The following PC variants were observed in gnomAD, a reference collection of about 807,000 sequenced individuals.
PC encodes pyruvate carboxylase, mitochondrial.
A neutral mutation model predicts 107.8 loss-of-function variants in PC; 46 were observed. The observed-to-expected ratio is 0.43, with a 90% CI of 0.34 to 0.55. The LOEUF (loss-of-function observed/expected upper bound fraction) is 0.55, where lower values mean the gene tolerates loss of function less well. Ranked by LOEUF, PC falls within the 20% of genes least tolerant of loss-of-function variation. The probability of loss-of-function intolerance (pLI) is 0.04; values close to 1 mark genes in which losing one functional copy is unlikely to be tolerated. For missense variants in PC, 1,241 were observed against 1,643.1 expected, an observed-to-expected ratio of 0.76 and a Z score of 4.23; for synonymous variants, 662 against 684.7, an observed-to-expected ratio of 0.97 and a Z score of 0.52.
At position 66,857,978 on chromosome 11, in the gene PC, A is replaced by G. The variant is rs1247680388; in HGVS notation, c.1369-4595T>C. 1.2e-6 allele frequency: 2 copies of G among 1,612,270 alleles called. No homozygotes were observed. The highest frequency in any genetic ancestry group is 1.7e-6 in the Non-Finnish European group (2 of 1,179,888). ...ACATGACGGGACTGGTGGACCTGAC[A>G]CTGTCTCGCAATGCCATCACCCGCA... On this transcript the variant is annotated intron_variant, in intron 12 of 22. Transcript: ENST00000393960. The surrounding 1 kb of genome is among the most constrained non-coding windows in gnomAD (Gnocchi z 7.1).
In PC at chr11:66,852,700, G is replaced by A. The variant is rs1221718335; in HGVS notation, c.1604-40C>T. On this transcript the variant is annotated intron_variant, in intron 14 of 22. Coordinates refer to ENST00000393960, the MANE Select transcript of PC (RefSeq NM_001040716.2). The surrounding 1 kb of genome is among the most constrained non-coding windows in gnomAD (Gnocchi z 4.7). The stretch of plus-strand genomic sequence containing the variant: ...GGCATTGGTGCCCATCCTGCAGGTG[G>A]CAACCTCCTGTCTCCCCCATGAGTT... The A allele has an allele frequency of 1.9e-6, 3 of 1,610,492 alleles. No individual in the cohort carries two copies. The highest frequency in any genetic ancestry group is 8.5e-7 in the Non-Finnish European group (1 of 1,177,144).
At chr11:66,868,778 A>G in intron 10 of PC, 68 bp downstream of exon 10, 3 of 1,277,486 alleles carry the variant, frequency 2.3e-6, no homozygotes, top group Non-Finnish European at 3.4e-6. Context: ...CCCAGGAGCC[A>G]CTTCGCCTGT....
chr11:66,902,026 T>C (rs755130560), intron 3 of PC, among the ~76,000 whole-genome samples: 18 of 152,306 alleles, frequency 1.2e-4, no homozygotes, highest in South Asian at 2.1e-4. Flanking sequence ...CCTGGTTCTC[T>C]GGGCGAACTG....
intron 3 of PC, among the ~76,000 whole-genome samples, chr11:66,929,740 C>T (rs1046226482): frequency 2.0e-5 from 3 of 152,076 alleles, no homozygotes; most frequent in African/African-American, 7.2e-5. Flanking sequence ...TGGTTTCAAA[C>T]TCCTGGGCTC....
chr11:66,910,984 G>A (rs1478536662), intron 3 of PC, among the ~76,000 whole-genome samples: 1 of 152,196 alleles, frequency 6.6e-6, no homozygotes, highest in Non-Finnish European at 1.5e-5. Flanking sequence ...CTGAACTTTA[G>A]TTTCCTGATC....
rs116248180 is a variant in PC at position 66,878,069 on chromosome 11, G to A, written c.1-5910C>T. Among the ~76,000 whole-genome samples, 1,421 of 152,268 alleles carry A rather than the reference G, an allele frequency of 9.3e-3. 28 individuals are homozygous for A. Among genetic ancestry groups the A allele is most frequent in the African/African-American group, 0.032 (1,315 of 41,548 alleles). ...GAAGAGCTCCGCAGGAAAAGGCGAA[G>A]GGAGCTCCTGCTACACCGACTCCTT... On this transcript the variant is annotated intron_variant, in intron 3 of 22. Transcript: ENST00000393960.
At chr11:66,922,384 G>A (rs1385323772) in intron 3 of PC, among the ~76,000 whole-genome samples, 1 of 151,802 alleles carries the variant, frequency 6.6e-6, no homozygotes, top group Non-Finnish European at 1.5e-5. Context: ...GGACCAGCTT[G>A]GCCAACATGG....
chr11:66,880,653 G>C (rs1312277583), intron 3 of PC, among the ~76,000 whole-genome samples: 2 of 152,252 alleles, frequency 1.3e-5, no homozygotes, highest in Non-Finnish European at 2.9e-5. Flanking sequence ...CCAGTCTGCA[G>C]CCCTTCTGGC....
chr11:66,909,551 C>G (rs1948274563), intron 3 of PC, among the ~76,000 whole-genome samples: 1 of 152,306 alleles, frequency 6.6e-6, no homozygotes, highest in South Asian at 2.1e-4. Flanking sequence ...ATGTCATCAC[C>G]ACCACGTGTC....
chr11:66,927,617 G>T (rs1053211614), intron 3 of PC, among the ~76,000 whole-genome samples: 3 of 151,932 alleles, frequency 2.0e-5, no homozygotes, highest in Non-Finnish European at 4.4e-5. Flanking sequence ...CAGCTACTAG[G>T]GAGGCTGAGG....
chr11:66,868,589 T>G (rs1274355735), intron 10 of PC, among the ~76,000 whole-genome samples: 1 of 152,236 alleles, frequency 6.6e-6, no homozygotes, highest in African/African-American at 2.4e-5. Flanking sequence ...CACCTGGGCC[T>G]GAGCAATCGG....
chr11:66,871,466 A>G lies in PC; in HGVS notation c.336T>C (p.Asp112=), dbSNP rs766258881. The change falls in exon 6 of 23, where the codon GAT becomes GAC. Residue 112 remains aspartate (D), a synonymous_variant. Coordinates refer to ENST00000393960, the MANE Select transcript of PC (RefSeq NM_001040716.2). This position sits in a 1 kb window ranked among gnomAD's most constrained non-coding sequence, Gnocchi z 7.4. The part of the protein sequence containing the change: ...IIKVAKENNV[D]AVHPGYGFLS... ...GGAACCCGTAGCCAGGGTGCACTGC[A>G]TCTACGTTGTTCTCCTGCAGGTGGG... 2 of 1,613,342 alleles carry G rather than the reference A, an allele frequency of 1.2e-6. No homozygotes were observed. The highest frequency in any genetic ancestry group is 2.2e-5 in the South Asian group (2 of 91,086).
At chr11:66,879,116 C>T (rs1447453799) in intron 3 of PC, among the ~76,000 whole-genome samples, 2 of 152,186 alleles carry the variant, frequency 1.3e-5, no homozygotes, top group Non-Finnish European at 2.9e-5. Context: ...AAGCCCCCGG[C>T]CCCACACAGC....
intron 10 of PC, among the ~76,000 whole-genome samples, chr11:66,867,500 G>A (rs931239022): frequency 1.3e-5 from 2 of 152,188 alleles, no homozygotes; most frequent in Non-Finnish European, 2.9e-5. Flanking sequence ...GGCCCACTTC[G>A]CAGCAGAGAT....
At position 66,850,026 on chromosome 11, in the gene PC, C is replaced by T. The variant is rs759147948; in HGVS notation, c.2809G>A (p.Glu937Lys). ...SRAEAEAQAEELSFPRSVVEF... is the reference protein window; with the variant it reads ...SRAEAEAQAEKLSFPRSVVEF... The stretch of plus-strand genomic sequence containing the variant: ...ACCACGGAGCGGGGAAAGGACAGCT[C>T]TTCCGCCTGAGCTTCGGCCTCTGCC... The change falls in exon 20 of 23, where the codon GAG (glutamate) becomes AAG (lysine). Residue 937 changes from glutamate to lysine, a missense_variant. Transcript: ENST00000393960. 8.1e-6 allele frequency: 13 copies of T among 1,613,692 alleles called. No individual in the cohort carries two copies. Among genetic ancestry groups the T allele is most frequent in the Non-Finnish European group, 1.1e-5 (13 of 1,180,032 alleles).
chr11:66,950,268 C>T (rs900657038), intron 3 of PC, among the ~76,000 whole-genome samples: 3 of 152,124 alleles, frequency 2.0e-5, no homozygotes, highest in African/African-American at 7.2e-5. Context: ...CCCAAAGCCT[C>T]GTTGTGATGT....
rs1474379379 is a variant in PC, at chr11:66,866,483, C to A, written c.1023-134G>T. The A allele has an allele frequency of 2.9e-6, 2 of 684,550 alleles. No homozygotes were observed. The highest frequency in any genetic ancestry group is 2.7e-5 in the East Asian group (1 of 36,402). The allele number at this position is 684,550 out of a possible 1,614,324, so 42.4% of individuals were successfully genotyped here. Reference sequence around the variant, plus strand: ...CTCCTGCCCATAGGCTCTGGGCCAGCCTGAACAGCCGGTTCCTCCCAACCA... The same window carrying A: ...CTCCTGCCCATAGGCTCTGGGCCAGACTGAACAGCCGGTTCCTCCCAACCA... On this transcript the variant is annotated intron_variant, in intron 10 of 22. Transcript: ENST00000393960. This position sits in a 1 kb window ranked among gnomAD's most constrained non-coding sequence, Gnocchi z 5.4.
At chr11:66,885,188 C>A (rs2135993101) in intron 3 of PC, among the ~76,000 whole-genome samples, 1 of 152,332 alleles carries the variant, frequency 6.6e-6, no homozygotes, top group Non-Finnish European at 1.5e-5. Context: ...GCACCTAGGT[C>A]AGAATGTGAC....
At chr11:66,947,140 T>C (rs1949318428) in intron 3 of PC, among the ~76,000 whole-genome samples, 1 of 152,094 alleles carries the variant, frequency 6.6e-6, no homozygotes, top group Non-Finnish European at 1.5e-5. Flanking sequence ...TCCTAGGCAT[T>C]TACCCAAGAG....
Sources: allele counts gnomAD v4.1 joint callset (sites outside exome capture counted in the v4.1 genomes callset), GRCh38; gene constraint gnomAD v4.1.1; non-coding constraint Gnocchi (gnomAD v3.1); transcripts MANE v1.5; gene names NCBI Gene and HGNC (gene_info 2026-07-23, HGNC 2026-07-21).